The following FBXO41 variants were observed in gnomAD, a reference collection of about 807,000 sequenced individuals.
The protein encoded by FBXO41 is F-box only protein 41.
In FBXO41, 33 loss-of-function variants were observed where a neutral mutation model predicts 81.6. The observed-to-expected ratio is 0.40, with a 90% CI of 0.31 to 0.54. The LOEUF (loss-of-function observed/expected upper bound fraction) is 0.54. Ranked by LOEUF, FBXO41 falls within the 20% of genes least tolerant of loss-of-function variation. FBXO41 has a pLI of 0.39. For missense variants in FBXO41, 1,107 were observed against 1,236.0 expected, an observed-to-expected ratio of 0.90 and a Z score of 1.56; for synonymous variants, 576 against 552.7, an observed-to-expected ratio of 1.04 and a Z score of -0.59.
intron 7 of FBXO41, 41 bp downstream of exon 7, chr2:73,263,897 T>C (rs763078397): frequency 6.2e-7 from 1 of 1,613,806 alleles, no homozygotes; most frequent in South Asian, 1.1e-5. Context: ...TCCAGGTCTG[T>C]GGCCCAACAG....
intron 1 of FBXO41, among the ~76,000 whole-genome samples, chr2:73,277,383 CAG>C (rs551845497): frequency 5.1e-4 from 78 of 152,312 alleles, no homozygotes; most frequent in African/African-American, 1.8e-3. Flanking sequence ...AAAAGGAAAA[CAG>C]AAGTGTTGTT....
At position 73,283,379 on chromosome 2, in the gene FBXO41, T is replaced by C. The variant is rs1364568057; in HGVS notation, c.-139+781A>G. Among the ~76,000 whole-genome samples, 3 of 152,186 alleles carry C rather than the reference T, an allele frequency of 2.0e-5. No individual in the cohort carries two copies. In the East Asian group the frequency reaches 5.8e-4, roughly 29 times the overall value. On this transcript the variant is annotated intron_variant, in intron 1 of 12. Transcript: ENST00000520530. ...CCTTCTAGCAGCCCTGGCACTGCTT[T>C]TTCTGTTCTAAGCCCTGCCTTACTC...
intron 1 of FBXO41, among the ~76,000 whole-genome samples, chr2:73,279,341 G>C (rs530372387): frequency 1.3e-5 from 2 of 152,294 alleles, no homozygotes; most frequent in East Asian, 3.9e-4. Flanking sequence ...GAGATATTCA[G>C]TACATGAATT....
At chr2:73,281,081 T>C (rs1688833512) in intron 1 of FBXO41, among the ~76,000 whole-genome samples, 3 of 152,194 alleles carry the variant, frequency 2.0e-5, no homozygotes, top group Admixed American at 6.5e-5. Context: ...TTGCTCTAGC[T>C]GAGCTCTTAG....
At position 73,265,503 on chromosome 2, in the gene FBXO41, T is replaced by C. The variant is rs201133145; in HGVS notation, c.1343A>G (p.Asn448Ser). Residue 448 changes from asparagine to serine, a missense_variant, in exon 5 of 13, where the codon AAC (asparagine) becomes AGC (serine). Transcript: ENST00000520530. ...GGGCTGGGACCGCTCTGAGCCCCCG[T>C]TGGCAGCCTGGGCCCGTGTGCCCAA... ...GGLGTRAQAA[N>S]GGSERSQPPR... 1.3e-3 allele frequency: 2,082 copies of C among 1,597,294 alleles called. 6 individuals carry two copies. Among genetic ancestry groups the C allele is most frequent in the Non-Finnish European group, 1.0e-3 (1,184 of 1,174,758 alleles).
At position 73,263,980 on chromosome 2, in the gene FBXO41, C is replaced by T. The variant is rs180788657; in HGVS notation, c.1880G>A (p.Arg627Gln). Reference protein sequence around the residue: ...LTLQNLKPRQRGKKESKEEYA... With the variant: ...LTLQNLKPRQQGKKESKEEYA... ...CTCCTCCTTGCTCTCCTTCTTTCCC[C>T]GCTGCCGGGGCTTCAAGTTCTGCAG... is the stretch of plus-strand genomic sequence containing the variant. Residue 627 changes from arginine (R) to glutamine (Q), a missense_variant, in exon 7 of 13, where the codon CGG (arginine) becomes CAG (glutamine). Coordinates refer to ENST00000520530, the MANE Select transcript of FBXO41 (RefSeq NM_001371389.2). The T allele has an allele frequency of 5.2e-5, 83 of 1,606,270 alleles. No homozygotes were observed. The highest frequency in any genetic ancestry group is 1.7e-4 in the Middle Eastern group (1 of 6,056).
chr2:73,270,730 C>T, intron 1 of FBXO41: 1 of 513,912 alleles, frequency 1.9e-6, no homozygotes, highest in South Asian at 1.4e-5. Context: ...TCTGGCATCC[C>T]AACCCTCCTC....
chr2:73,271,722 T>C (rs531189935), intron 1 of FBXO41, among the ~76,000 whole-genome samples: 1 of 148,066 alleles, frequency 6.8e-6, no homozygotes, highest in Admixed American at 6.9e-5. Flanking sequence ...CCTCCCCCTC[T>C]GAAGTTCAAG....
At chr2:73,278,065 A>G (rs1214401152) in intron 1 of FBXO41, among the ~76,000 whole-genome samples, 1 of 152,206 alleles carries the variant, frequency 6.6e-6, no homozygotes, top group East Asian at 1.9e-4. Context: ...CTGAGCCAAC[A>G]GAGTCCTCTA....
chr2:73,280,544 G>A (rs536579866), intron 1 of FBXO41, among the ~76,000 whole-genome samples: 1 of 152,306 alleles, frequency 6.6e-6, no homozygotes, highest in South Asian at 2.1e-4. Context: ...TTCTTAGGGT[G>A]CCCTACAAGA....
At position 73,276,611 on chromosome 2, in the gene FBXO41, AGG is replaced by A. The variant is rs1558592707; in HGVS notation, c.-138-6845_-138-6844del. 4.7e-3 allele frequency among the ~76,000 whole-genome samples: 414 copies of A among 88,480 alleles called. 19 individuals carry two copies. The highest frequency in any genetic ancestry group is 0.021 in the Admixed American group (185 of 8,680). 58.0% of individuals were successfully genotyped at this position (88,480 alleles called of 152,430 possible). A position where few individuals can be genotyped will look rare whatever the true frequency, so the allele number is the denominator to read the frequency against. On this transcript the variant is annotated intron_variant, in intron 1 of 12. Coordinates refer to ENST00000520530, the MANE Select transcript of FBXO41 (RefSeq NM_001371389.2). ...GAGAGAGAGAGAGAGAGAGGGAGAG[AGG>A]GAGAGAGGGAGAGAATGCATTTATA...
rs1005067319 is a variant in FBXO41 at position 73,265,640 on chromosome 2, C to T, written c.1206G>A (p.Gly402=). ...VSRHGSSPST[G]ASSRVPAASQ... ...ATGCGGCTGGCACACGGCTGGAGGC[C>T]CTGGGGCAGGGTGGACCACACAGTA... Residue 402 remains glycine, a splice_region_variant and synonymous_variant, in exon 5 of 13, where the codon GGG becomes GGA. Coordinates refer to ENST00000520530, the MANE Select transcript of FBXO41 (RefSeq NM_001371389.2). 6.6e-7 allele frequency: 1 copy of T among 1,507,528 alleles called. No individual in the cohort carries two copies. Among genetic ancestry groups the T allele is most frequent in the Non-Finnish European group, 8.9e-7 (1 of 1,128,234 alleles). 93.4% of individuals were successfully genotyped at this position (1,507,528 alleles called of 1,614,324 possible).
At chr2:73,264,651 G>C (rs1330515294) in intron 5 of FBXO41, 132 bp from the exon 6 acceptor site, 2 of 1,342,190 alleles carry the variant, frequency 1.5e-6, no homozygotes, top group African/African-American at 2.9e-5. Flanking sequence ...TAGGGAGGAA[G>C]GAAAAGGGGC....
intron 9 of FBXO41, among the ~76,000 whole-genome samples, chr2:73,261,169 G>A (rs1220942130): frequency 1.3e-5 from 2 of 151,712 alleles, no homozygotes; most frequent in East Asian, 3.9e-4. Context: ...CAATTCTCCT[G>A]CCTCAGCCTC....
At chr2:73,270,644 C>G (rs1688464042) in intron 1 of FBXO41, among the ~76,000 whole-genome samples, 1 of 152,106 alleles carries the variant, frequency 6.6e-6, no homozygotes, top group African/African-American at 2.4e-5. Context: ...CCCTGCCCTG[C>G]CTTTACCCCA....
intron 2 of FBXO41, among the ~76,000 whole-genome samples, chr2:73,268,064 C>T (rs1053402120): frequency 2.0e-5 from 3 of 152,234 alleles, no homozygotes; most frequent in African/African-American, 7.2e-5. Flanking sequence ...AAGGAAATCC[C>T]AAGAGTGTCC....
rs1419023449 is a variant in FBXO41, at chr2:73,265,959, T to C, written c.1139A>G (p.His380Arg). The C allele has an allele frequency of 6.4e-7, 1 of 1,571,616 alleles. No homozygotes were observed. Among genetic ancestry groups the C allele is most frequent in the Middle Eastern group, 1.7e-4 (1 of 6,008 alleles). The stretch of plus-strand genomic sequence containing the variant: ...GTTAGGCACGGCCGGGCCCACGTGG[T>C]GTTCTCGCTGTGGGCCCCCAGAGCA... ...NARGPGRMRE[H>R]HVGPAVPNTY... The change falls in exon 4 of 13, where the codon CAC (histidine) becomes CGC (arginine). Residue 380 changes from histidine to arginine, a missense_variant. This residue lies in a region of FBXO41 where 771 missense variants were observed against 789.2 expected (regional missense o/e 0.98). Coordinates refer to ENST00000520530, the MANE Select transcript of FBXO41 (RefSeq NM_001371389.2).
Position 73,259,071 on chromosome 2 carries a change from T to C in FBXO41, c.2566-27A>G, listed in dbSNP as rs771627612. 1.2e-6 allele frequency: 2 copies of C among 1,605,916 alleles called. No individual in the cohort carries two copies. Among genetic ancestry groups the C allele is most frequent in the South Asian group, 1.1e-5 (1 of 90,092 alleles). ...TGCGGACCGAACCCTGGGTTAGTTC[T>C]CCCTCCGTGCCAGGCAGGTGGGGCC... On this transcript the variant is annotated intron_variant, in intron 12 of 12. Transcript: ENST00000520530. This position sits in a 1 kb window ranked among gnomAD's most constrained non-coding sequence, Gnocchi z 4.2.
intron 1 of FBXO41, chr2:73,270,850 T>C (rs752139942): frequency 1.9e-6 from 1 of 534,528 alleles, no homozygotes; most frequent in Non-Finnish European, 3.8e-6. Context: ...CTGCCTGCAA[T>C]AGGGCTTCCA....
Sources: allele counts gnomAD v4.1 joint callset (sites outside exome capture counted in the v4.1 genomes callset), GRCh38; gene constraint gnomAD v4.1.1; regional missense constraint gnomAD v4.1.1; non-coding constraint Gnocchi (gnomAD v3.1); transcripts MANE v1.5; gene names NCBI Gene and HGNC (gene_info 2026-07-23, HGNC 2026-07-21).